Variants in HIBCH observed in about 807,000 individuals in gnomAD.
HIBCH encodes the protein 3-hydroxyisobutyryl-CoA hydrolase.
Under a neutral mutation model 58.2 loss-of-function variants are expected in HIBCH, and 50 were observed. That is an observed-to-expected ratio of 0.86 (90% CI 0.68 to 1.09). HIBCH has a LOEUF of 1.09. Among genes scored for constraint, HIBCH ranks in the 50% least tolerant of loss-of-function variants. HIBCH has a pLI of 0.00. For missense variants in HIBCH, 450 were observed against 449.7 expected (o/e 1.00, Z -0.01); for synonymous variants, 151 against 146.9 (o/e 1.03, Z -0.20).
chr2:190,220,762 C>A (rs977627580), intron 11 of HIBCH, among the ~76,000 whole-genome samples: 4 of 151,926 alleles, frequency 2.6e-5, no homozygotes, highest in Non-Finnish European at 5.9e-5. Flanking sequence ...ACAGTACCAT[C>A]TATTACCTTA....
intron 1 of HIBCH, among the ~76,000 whole-genome samples, chr2:190,193,071 C>T (rs1689792157): frequency 6.6e-6 from 1 of 152,028 alleles, no homozygotes; most frequent in African/African-American, 2.4e-5. Flanking sequence ...ACTATTGCTG[C>T]CTTGCTCCTG....
At position 190,250,265 on chromosome 2, in the gene HIBCH, G is replaced by A. The variant is rs998127; in HGVS notation, c.664-539C>T. On this transcript the variant is annotated intron_variant, in intron 8 of 13. Transcript: ENST00000359678. ...CTTTTCCTGATAATACTCACCTTAA[G>A]GCCGGCTGTACTGCAACCTTCATAA... The A allele has an allele frequency of 3.1e-3, 1,230 of 392,360 alleles. 15 individuals carry two copies. Among genetic ancestry groups the A allele is most frequent in the African/African-American group, 0.022 (1,061 of 47,314 alleles). The allele number at this position is 392,360 out of a possible 1,614,324, so 24.3% of individuals were successfully genotyped here.
At chr2:190,268,200 C>T (rs1330822061) in intron 6 of HIBCH, among the ~76,000 whole-genome samples, 4 of 152,122 alleles carry the variant, frequency 2.6e-5, no homozygotes, top group Non-Finnish European at 4.4e-5. Flanking sequence ...TGCCATAAAA[C>T]GTACGTCATT....
chr2:190,277,506 T>C (rs1396614511), intron 6 of HIBCH, among the ~76,000 whole-genome samples: 1 of 152,210 alleles, frequency 6.6e-6, no homozygotes, highest in East Asian at 1.9e-4. Context: ...CAAGTACTAT[T>C]CCTATGCCTT....
intron 6 of HIBCH, chr2:190,280,018 G>T (rs1687661955): frequency 6.6e-6 from 1 of 152,204 alleles, no homozygotes; most frequent in Non-Finnish European, 1.5e-5. Flanking sequence ...AAAACTGCCG[G>T]CAAGTGTACT....
At chr2:190,231,473 ACT>A (rs1163048802) in intron 11 of HIBCH, among the ~76,000 whole-genome samples, 19 of 152,314 alleles carry the variant, frequency 1.2e-4, no homozygotes, top group African/African-American at 4.3e-4. Context: ...ATAAAATCCA[ACT>A]CTCATTCAAA....
At chr2:190,212,868 G>T in intron 12 of HIBCH, 88 bp downstream of exon 12, 7 of 1,186,146 alleles carry the variant, frequency 5.9e-6, no homozygotes, top group South Asian at 4.0e-5. Context: ...TAATTTTCTT[G>T]TTTGCACTTA....
rs1690024047 is a variant in HIBCH, at chr2:190,197,272, A to AG, written c.*18-7276_*18-7275insC. Among the ~76,000 whole-genome samples, 2 of 152,170 alleles carry AG rather than the reference A, an allele frequency of 1.3e-5. No individual in the cohort carries two copies. The highest frequency in any genetic ancestry group is 4.8e-5 in the African/African-American group (2 of 41,446). Reference sequence around the variant, plus strand: ...TGTTTAGGGTATACTACTGATTCCTAAGGTGTCGCATTTCTTGAGTAGTAA... The same window carrying AG: ...TGTTTAGGGTATACTACTGATTCCTAGAGGTGTCGCATTTCTTGAGTAGTAA... On this transcript the variant is annotated intron_variant, in intron 1 of 1. Transcript: ENST00000399855. The surrounding 1 kb of genome is among the most constrained non-coding windows in gnomAD (Gnocchi z 4.0).
chr2:190,314,271 C>CAA (rs9288170), intron 1 of HIBCH, among the ~76,000 whole-genome samples: 74,728 of 131,860 alleles, frequency 0.57, 21,614 homozygotes, highest in South Asian at 0.62. Context: ...CCAGTTACTA[C>CAA]AAAAAAAATA....
chr2:190,196,464 T>C (rs1689981257), intron 1 of HIBCH, among the ~76,000 whole-genome samples: 1 of 151,982 alleles, frequency 6.6e-6, no homozygotes, highest in Admixed American at 6.6e-5. Context: ...TTTTCTTGGG[T>C]ATACTTAAAT....
At chr2:190,309,096 G>GTAA (rs1415546759) in intron 2 of HIBCH, among the ~76,000 whole-genome samples, 2 of 152,022 alleles carry the variant, frequency 1.3e-5, no homozygotes, top group Non-Finnish European at 2.9e-5. Context: ...AGAAGTCTAG[G>GTAA]TCCTTGTAAT....
chr2:190,318,416 A>C (rs901842477), intron 1 of HIBCH, among the ~76,000 whole-genome samples: 3 of 152,180 alleles, frequency 2.0e-5, no homozygotes, highest in African/African-American at 7.2e-5. Context: ...TTTTCCTCTC[A>C]GAAACACTTT....
intron 1 of HIBCH, among the ~76,000 whole-genome samples, chr2:190,317,658 T>C (rs1688737732): frequency 1.3e-5 from 2 of 152,080 alleles, no homozygotes; most frequent in Non-Finnish European, 2.9e-5. Flanking sequence ...GAGGAAAAAG[T>C]GATTAACTTT....
Position 190,319,792 on chromosome 2 carries a change from C to A in HIBCH, c.-42G>T. 6.3e-7 allele frequency: 1 copy of A among 1,596,658 alleles called. No homozygotes were observed. Reference sequence around the variant, plus strand: ...GCTAAAGCAGCAGAGCGAGAATCTCCCGGACCGTTCCAGCGCCTCGCGTGA... The same window carrying A: ...GCTAAAGCAGCAGAGCGAGAATCTCACGGACCGTTCCAGCGCCTCGCGTGA... On this transcript the variant is annotated 5_prime_UTR_variant, in exon 1 of 14. Transcript: ENST00000359678.
Position 190,230,586 on chromosome 2 carries a change from T to G in HIBCH, c.891+14301A>C, listed in dbSNP as rs147904710. 1.1e-3 allele frequency among the ~76,000 whole-genome samples: 168 copies of G among 152,228 alleles called. 2 individuals carry two copies. The Middle Eastern group carries it at 0.014, about 12-fold the overall frequency. ...GGCGCGTGCCTATATTCCCAGATAC[T>G]AGGGAGGCTGAGGCAGAAGAATCGC... is the stretch of plus-strand genomic sequence containing the variant. On this transcript the variant is annotated intron_variant, in intron 11 of 13. Transcript: ENST00000359678.
rs1381581332 is a variant in HIBCH at position 190,315,004 on chromosome 2, G to A, written c.36-4208C>T. Among the ~76,000 whole-genome samples, 2 of 151,772 alleles carry A rather than the reference G, an allele frequency of 1.3e-5. No individual in the cohort carries two copies. Among genetic ancestry groups the A allele is most frequent in the Non-Finnish European group, 2.9e-5 (2 of 67,940 alleles). On this transcript the variant is annotated intron_variant, in intron 1 of 13. Coordinates refer to ENST00000359678, the MANE Select transcript of HIBCH (RefSeq NM_014362.4). This position sits in a 1 kb window ranked among gnomAD's most constrained non-coding sequence, Gnocchi z 5.4. ...TCTCTGTCGCCCAGGCTGGAGTGCA[G>A]TGGTGCAATCTCGGCTCACTGCAGG...
intron 4 of HIBCH, among the ~76,000 whole-genome samples, chr2:190,293,808 CAT>C (rs1688020557): frequency 6.6e-6 from 1 of 151,616 alleles, no homozygotes; most frequent in Non-Finnish European, 1.5e-5. Context: ...ATATACTGTA[CAT>C]ATAATATGGA....
chr2:190,290,860 A>T (rs1436876815), intron 4 of HIBCH, among the ~76,000 whole-genome samples: 1 of 152,112 alleles, frequency 6.6e-6, no homozygotes, highest in Admixed American at 6.6e-5. Flanking sequence ...AAAAATGTTT[A>T]ATTAGCTGGC....
In HIBCH at chr2:190,197,299, T is replaced by G. The variant is rs1690025467; in HGVS notation, c.*18-7302A>C. ...GGTGTCGCATTTCTTGAGTAGTAAC[T>G]AAATACGAAAGTGTTCAATGAGATT... On this transcript the variant is annotated intron_variant, in intron 1 of 1. Coordinates refer to the HIBCH transcript ENST00000399855. This position sits in a 1 kb window ranked among gnomAD's most constrained non-coding sequence, Gnocchi z 4.0. 1.3e-5 allele frequency among the ~76,000 whole-genome samples: 2 copies of G among 152,202 alleles called. No individual in the cohort carries two copies. Among genetic ancestry groups the G allele is most frequent in the African/African-American group, 4.8e-5 (2 of 41,458 alleles).
Sources: allele counts gnomAD v4.1 joint callset (sites outside exome capture counted in the v4.1 genomes callset), GRCh38; gene constraint gnomAD v4.1.1; non-coding constraint Gnocchi (gnomAD v3.1); transcripts MANE v1.5; gene names NCBI Gene and HGNC (gene_info 2026-07-23, HGNC 2026-07-21).